The following MAGI2 variants were observed in gnomAD, a reference collection of about 807,000 sequenced individuals.
The protein encoded by MAGI2 is membrane-associated guanylate kinase, WW and PDZ domain-containing protein 2.
A neutral mutation model predicts 133.3 loss-of-function variants in MAGI2; 35 were observed. The ratio of observed to expected loss-of-function variants is 0.26; its 90% CI spans 0.20 to 0.35. MAGI2 has a LOEUF of 0.35. Ranked by LOEUF, MAGI2 falls within the 10% of genes least tolerant of loss-of-function variation. MAGI2 has a pLI of 1.00. For synonymous variants in MAGI2, 729 were observed against 710.6 expected (o/e 1.03, Z -0.41); for missense variants, 1,636 against 1,863.4 (o/e 0.88, Z 2.25).
intron 2 of MAGI2, among the ~76,000 whole-genome samples, chr7:78,675,591 C>T (rs1814930956): frequency 6.6e-6 from 1 of 152,078 alleles, no homozygotes; most frequent in Admixed American, 6.6e-5. Context: ...AGGCTTTGCT[C>T]CGGATTCTAT....
At chr7:78,563,770 C>A (rs777101680) in intron 3 of MAGI2, among the ~76,000 whole-genome samples, 1 of 152,166 alleles carries the variant, frequency 6.6e-6, no homozygotes, top group Non-Finnish European at 1.5e-5. Context: ...GTCCAATCTC[C>A]ACAGGTTCAG....
chr7:78,643,768 G>T (rs114315222), intron 2 of MAGI2, among the ~76,000 whole-genome samples: 1 of 152,060 alleles, frequency 6.6e-6, no homozygotes, highest in Admixed American at 6.6e-5. Flanking sequence ...GCATACTATT[G>T]TAAGATTCTT....
intron 1 of MAGI2, among the ~76,000 whole-genome samples, chr7:79,247,025 C>T (rs961782595): frequency 1.3e-5 from 2 of 152,070 alleles, no homozygotes; most frequent in African/African-American, 4.8e-5. Flanking sequence ...AAGGAAGAAA[C>T]TTTTATTCTA....
chr7:78,105,224 T>C (rs1396529662), intron 20 of MAGI2, among the ~76,000 whole-genome samples: 2 of 152,232 alleles, frequency 1.3e-5, no homozygotes, highest in African/African-American at 2.4e-5. Context: ...TTTCCTGTTA[T>C]ATAAATACTA....
intron 9 of MAGI2, among the ~76,000 whole-genome samples, chr7:78,300,233 T>C (rs1294526678): frequency 6.6e-6 from 1 of 152,214 alleles, no homozygotes; most frequent in Non-Finnish European, 1.5e-5. Flanking sequence ...AATAATTTAA[T>C]GAAGAATCGA....
At chr7:78,514,345 T>A (rs562543852) in intron 4 of MAGI2, among the ~76,000 whole-genome samples, 1 of 152,052 alleles carries the variant, frequency 6.6e-6, no homozygotes, top group African/African-American at 2.4e-5. Context: ...TATCATTACT[T>A]TTTAATTACA....
At chr7:79,234,617 G>A (rs1831706538) in intron 1 of MAGI2, among the ~76,000 whole-genome samples, 1 of 151,910 alleles carries the variant, frequency 6.6e-6, no homozygotes, top group African/African-American at 2.4e-5. Context: ...TCTTCACGTA[G>A]GTCTCGAGCC....
intron 9 of MAGI2, among the ~76,000 whole-genome samples, chr7:78,320,911 C>T (rs539945504): frequency 1.3e-5 from 2 of 152,230 alleles, no homozygotes; most frequent in Admixed American, 1.3e-4. Flanking sequence ...AGCTGATAAG[C>T]AACTTCAGCA....
intron 6 of MAGI2, among the ~76,000 whole-genome samples, chr7:78,466,911 T>C (rs1436754165): frequency 6.6e-6 from 1 of 152,126 alleles, no homozygotes; most frequent in Non-Finnish European, 1.5e-5. Context: ...TTTCTTTGCA[T>C]CAAGATACCT....
At chr7:79,214,074 C>T (rs1197961693) in intron 1 of MAGI2, among the ~76,000 whole-genome samples, 1 of 151,832 alleles carries the variant, frequency 6.6e-6, no homozygotes, top group African/African-American at 2.4e-5. Context: ...GCTAGTCTTG[C>T]AGTTCAAACT....
intron 2 of MAGI2, among the ~76,000 whole-genome samples, chr7:78,829,802 T>C (rs1027157547): frequency 6.6e-6 from 1 of 152,138 alleles, no homozygotes; most frequent in African/African-American, 2.4e-5. Flanking sequence ...GTTCACAAAA[T>C]TGATATTTCT....
chr7:78,082,827 A>G (rs561633620), intron 20 of MAGI2, among the ~76,000 whole-genome samples: 24 of 152,324 alleles, frequency 1.6e-4, no homozygotes, highest in African/African-American at 5.5e-4. Flanking sequence ...GACTCAGTCC[A>G]GACCTGGCTT....
chr7:78,994,544 A>ATTT, intron 2 of MAGI2, among the ~76,000 whole-genome samples: 1 of 152,238 alleles, frequency 6.6e-6, no homozygotes, highest in South Asian at 2.1e-4. Flanking sequence ...TATATTCTGG[A>ATTT]GCCTCCTAAG....
intron 1 of MAGI2, among the ~76,000 whole-genome samples, chr7:79,221,125 T>G (rs1830418172): frequency 6.6e-6 from 1 of 152,008 alleles, no homozygotes; most frequent in Admixed American, 6.6e-5. Context: ...GTCTAAGCAT[T>G]AAAAATATGA....
At chr7:78,654,749 A>G (rs4730426) in intron 2 of MAGI2, among the ~76,000 whole-genome samples, 6,093 of 97,226 alleles carry the variant, frequency 0.063, 213 homozygotes, top group Non-Finnish European at 0.089. Flanking sequence ...ATATATATAT[A>G]GCATATATTT....
intron 1 of MAGI2, among the ~76,000 whole-genome samples, chr7:79,266,241 A>AC (rs1258604109): frequency 6.4e-4 from 14 of 22,028 alleles, no homozygotes; most frequent in East Asian, 5.4e-3. Flanking sequence ...TGCCCACCCC[A>AC]CCCCCACCCC....
intron 21 of MAGI2, among the ~76,000 whole-genome samples, chr7:78,060,665 C>G (rs951280956): frequency 6.6e-6 from 1 of 152,154 alleles, no homozygotes; most frequent in African/African-American, 2.4e-5. Context: ...AAGCTTTGGA[C>G]CTGGATCTTG....
chr7:79,235,914 T>C (rs1382662998), intron 1 of MAGI2, among the ~76,000 whole-genome samples: 2 of 152,236 alleles, frequency 1.3e-5, no homozygotes, highest in Non-Finnish European at 2.9e-5. Flanking sequence ...AGACACACAG[T>C]TGGTGCTCAA....
intron 2 of MAGI2, among the ~76,000 whole-genome samples, chr7:78,832,925 A>G (rs1261750680): frequency 1.3e-5 from 2 of 152,262 alleles, no homozygotes; most frequent in African/African-American, 2.4e-5. Context: ...ACCCTTGTGG[A>G]GAGCCTATAA....
Sources: gnomAD v4.1 joint callset for allele counts (sites outside exome capture counted in the v4.1 genomes callset) on GRCh38, gnomAD v4.1.1 for gene constraint, MANE v1.5 for transcripts, NCBI Gene and HGNC (gene_info 2026-07-23, HGNC 2026-07-21) for gene names.